Variants in MTCL3 observed in about 807,000 individuals in gnomAD.
The protein encoded by MTCL3 is MTCL family member 3, also known as microtubule cross-linking factor 3.
chr6:127,513,699 G>C, the MTCL3 span, among the ~76,000 whole-genome samples: 1 of 152,166 alleles, frequency 6.6e-6, no homozygotes, highest in African/African-American at 2.4e-5. Flanking sequence ...GACTGGTGTA[G>C]AGGCTTAGGA....
the MTCL3 span, among the ~76,000 whole-genome samples, chr6:127,503,894 T>A: frequency 6.6e-6 from 1 of 152,166 alleles, no homozygotes; most frequent in Non-Finnish European, 1.5e-5. Flanking sequence ...AAATCGGGCA[T>A]GAAACACCTT....
At chr6:127,515,715 G>A in the MTCL3 span, 35,360 of 1,583,118 alleles carry the variant, frequency 0.022, 451 homozygotes, top group Middle Eastern at 0.034. This position sits in a 1 kb window ranked among gnomAD's most constrained non-coding sequence, Gnocchi z 4.3. Context: ...CCAGGGTCTC[G>A]CAAACGGCAG....
At chr6:127,476,134 G>C in the MTCL3 span, 1 of 1,614,150 alleles carries the variant, frequency 6.2e-7, no homozygotes, top group Middle Eastern at 1.6e-4. The surrounding 1 kb of genome is among the most constrained non-coding windows in gnomAD (Gnocchi z 4.4). Flanking sequence ...GAGCGGGTTG[G>C]CCGAGCCGTT....
At chr6:127,489,813 T>C in the MTCL3 span, among the ~76,000 whole-genome samples, 3 of 152,242 alleles carry the variant, frequency 2.0e-5, no homozygotes, top group African/African-American at 7.2e-5. Context: ...GCCATCTCCA[T>C]AGCACAAAAG....
the MTCL3 span, among the ~76,000 whole-genome samples, chr6:127,491,784 T>C: frequency 1.4e-5 from 2 of 146,858 alleles, no homozygotes; most frequent in African/African-American, 2.5e-5. Flanking sequence ...GCCAGGAGGA[T>C]AGCTTGAGCC....
At chr6:127,511,865 C>T in the MTCL3 span, among the ~76,000 whole-genome samples, 4 of 152,154 alleles carry the variant, frequency 2.6e-5, no homozygotes, top group South Asian at 8.3e-4. Flanking sequence ...CTGTTATTTG[C>T]ATTATATTTT....
At chr6:127,515,867 A>T in the MTCL3 span, 1 of 1,611,294 alleles carries the variant, frequency 6.2e-7, no homozygotes. The surrounding 1 kb of genome is among the most constrained non-coding windows in gnomAD (Gnocchi z 4.3). Context: ...CCTTCTTTCC[A>T]GTAGCTCCCT....
the MTCL3 span, among the ~76,000 whole-genome samples, chr6:127,500,861 G>C: frequency 1.3e-5 from 2 of 152,114 alleles, no homozygotes; most frequent in Non-Finnish European, 2.9e-5. Flanking sequence ...TGCCAGGCTG[G>C]AGTGCAGTGG....
At chr6:127,489,709 T>C in the MTCL3 span, among the ~76,000 whole-genome samples, 1 of 152,224 alleles carries the variant, frequency 6.6e-6, no homozygotes, top group Non-Finnish European at 1.5e-5. Context: ...CCCTTACTCT[T>C]CAATTCTATG....
the MTCL3 span, among the ~76,000 whole-genome samples, chr6:127,509,174 G>A: frequency 0.58 from 88,610 of 152,082 alleles, 27,427 homozygotes; most frequent in Admixed American, 0.69. Flanking sequence ...AAGATTCGAA[G>A]GCAGCATTCG....
chr6:127,516,590 C>G, the MTCL3 span: 6 of 1,596,804 alleles, frequency 3.8e-6, no homozygotes, highest in Admixed American at 1.7e-5. Context: ...GCAGGGGCAG[C>G]GCCCCCGATT....
the MTCL3 span, among the ~76,000 whole-genome samples, chr6:127,502,762 A>C: frequency 6.6e-6 from 1 of 152,214 alleles, no homozygotes; most frequent in African/African-American, 2.4e-5. Flanking sequence ...AAGCACCTTC[A>C]CATATGTTAT....
chr6:127,477,655 G>A, the MTCL3 span, among the ~76,000 whole-genome samples: 1 of 152,158 alleles, frequency 6.6e-6, no homozygotes, highest in African/African-American at 2.4e-5. Flanking sequence ...CCTTTGAGAT[G>A]GAAGAGATGG....
the MTCL3 span, chr6:127,473,489 A>T: frequency 1.1e-6 from 1 of 896,670 alleles, no homozygotes; most frequent in Non-Finnish European, 1.6e-6. Context: ...ATTCAACTTA[A>T]AAAAGAACCT....
chr6:127,501,800 G>T, the MTCL3 span, among the ~76,000 whole-genome samples: 1 of 152,156 alleles, frequency 6.6e-6, no homozygotes, highest in African/African-American at 2.4e-5. Context: ...TTACCATCTG[G>T]ATAAAGATCA....
At chr6:127,509,883 A>G in the MTCL3 span, among the ~76,000 whole-genome samples, 1 of 152,228 alleles carries the variant, frequency 6.6e-6, no homozygotes, top group Non-Finnish European at 1.5e-5. Context: ...TCTTATCTGA[A>G]TGAAACATTT....
At chr6:127,477,695 A>C in the MTCL3 span, among the ~76,000 whole-genome samples, 1 of 152,126 alleles carries the variant, frequency 6.6e-6, no homozygotes, top group Non-Finnish European at 1.5e-5. Context: ...CTGTCTTCCT[A>C]TCTACTAATG....
At chr6:127,509,436 G>A in the MTCL3 span, among the ~76,000 whole-genome samples, 1 of 152,186 alleles carries the variant, frequency 6.6e-6, no homozygotes, top group Non-Finnish European at 1.5e-5. Context: ...TTAGCAAACA[G>A]TTCTAAACTG....
chr6:127,511,106 G>A, the MTCL3 span, among the ~76,000 whole-genome samples: 3 of 152,318 alleles, frequency 2.0e-5, no homozygotes, highest in East Asian at 3.9e-4. Flanking sequence ...GAGCTACAGG[G>A]AGAATGCCAT....
Sources: allele counts gnomAD v4.1 joint callset (sites outside exome capture counted in the v4.1 genomes callset), GRCh38; gene constraint gnomAD v4.1.1; non-coding constraint Gnocchi (gnomAD v3.1); transcripts MANE v1.5; gene names NCBI Gene and HGNC (gene_info 2026-07-23, HGNC 2026-07-21).